LHFPL4: variants seen among roughly 807,000 people sequenced by gnomAD.
LHFPL4 encodes the protein LHFPL tetraspan subfamily member 4 protein.
Under a neutral mutation model 20.0 loss-of-function variants are expected in LHFPL4, and 6 were observed. That is an observed-to-expected ratio of 0.30 (90% CI 0.16 to 0.59). The LOEUF (loss-of-function observed/expected upper bound fraction) is 0.59, where lower values mean the gene tolerates loss of function less well. Among genes scored for constraint, LHFPL4 ranks in the 20% least tolerant of loss-of-function variants. The pLI, the probability that LHFPL4 is intolerant of heterozygous loss-of-function variation, is 0.88. For synonymous variants in LHFPL4, 129 were observed against 143.8 expected, an observed-to-expected ratio of 0.90 and a Z score of 0.74; for missense variants, 215 against 331.2, an observed-to-expected ratio of 0.65 and a Z score of 2.72.
intron 3 of LHFPL4, among the ~76,000 whole-genome samples, chr3:9,504,333 G>C (rs532683895): frequency 6.6e-6 from 1 of 150,932 alleles, no homozygotes; most frequent in Admixed American, 6.6e-5. Context: ...AGCCGAGACC[G>C]TGCCACTGCA....
chr3:9,510,712 TG>T (rs1363380892), intron 2 of LHFPL4, among the ~76,000 whole-genome samples: 5 of 151,572 alleles, frequency 3.3e-5, no homozygotes, highest in Non-Finnish European at 7.4e-5. Context: ...CCAAGACGAG[TG>T]GATCACCTGA....
In LHFPL4 at chr3:9,552,697, C is replaced by CCGGCGG. The variant is rs760539219; in HGVS notation, c.-24_-19dup. The stretch of plus-strand genomic sequence containing the variant: ...GGCAGCATGGTGCCCGGAGGCGGGG[C>CCGGCGG]CGGCGGCGGCGGCGGCTGGCGGGGG... On this transcript the variant is annotated 5_prime_UTR_variant, in exon 2 of 4. Transcript: ENST00000287585. The CCGGCGG allele has an allele frequency of 1.5e-6, 2 of 1,349,014 alleles. No individual in the cohort carries two copies. Among genetic ancestry groups the CCGGCGG allele is most frequent in the African/African-American group, 1.5e-5 (1 of 66,254 alleles). The allele number at this position is 1,349,014 out of a possible 1,614,324, so 83.6% of individuals were successfully genotyped here.
At chr3:9,546,913 G>T (rs1437686600) in intron 2 of LHFPL4, among the ~76,000 whole-genome samples, 3 of 152,198 alleles carry the variant, frequency 2.0e-5, no homozygotes, top group Non-Finnish European at 4.4e-5. Context: ...CTGAGATTCA[G>T]AGAGGCAAAC....
At chr3:9,504,740 G>A (rs1208737255) in intron 3 of LHFPL4, among the ~76,000 whole-genome samples, 1 of 151,306 alleles carries the variant, frequency 6.6e-6, no homozygotes, top group Non-Finnish European at 1.5e-5. Context: ...CAGTAGAATG[G>A]TGTGAACCCG....
intron 2 of LHFPL4, among the ~76,000 whole-genome samples, chr3:9,544,726 A>T (rs912875293): frequency 6.6e-6 from 1 of 151,906 alleles, no homozygotes; most frequent in Non-Finnish European, 1.5e-5. Flanking sequence ...CCCAGTCTCA[A>T]CTCTTACCTT....
chr3:9,516,500 G>A (rs944875467), intron 2 of LHFPL4, among the ~76,000 whole-genome samples: 1 of 151,370 alleles, frequency 6.6e-6, no homozygotes, highest in Non-Finnish European at 1.5e-5. Flanking sequence ...AGACGTTGGA[G>A]TCTCACTCTG....
rs2046157013 is a variant in LHFPL4 at position 9,499,710 on chromosome 3, C to T, written c.*2501G>A. On this transcript the variant is annotated 3_prime_UTR_variant, in exon 4 of 4. Transcript: ENST00000287585. ...CCAGCCTCTGAAAGGTCAGTTCTAT[C>T]CCCCGCACCAGGGCACAGGTTTGGT... is the stretch of plus-strand genomic sequence containing the variant. 6.6e-6 allele frequency: 1 copy of T among 152,274 alleles called. No homozygotes were observed. Among genetic ancestry groups the T allele is most frequent in the South Asian group, 2.1e-4 (1 of 4,838 alleles). The allele number at this position is 152,274 out of a possible 1,614,324, so 9.4% of individuals were successfully genotyped here.
intron 2 of LHFPL4, among the ~76,000 whole-genome samples, chr3:9,542,806 C>CAAA (rs148495276): frequency 6.4e-5 from 5 of 78,454 alleles, no homozygotes; most frequent in East Asian, 4.6e-4. Flanking sequence ...GGCCCTATCT[C>CAAA]AAAAAAAAAA....
intron 2 of LHFPL4, among the ~76,000 whole-genome samples, chr3:9,547,913 C>T (rs1173387500): frequency 6.6e-6 from 1 of 152,190 alleles, no homozygotes; most frequent in African/African-American, 2.4e-5. Context: ...TCAAGCGATC[C>T]TCCCGCCTCA....
chr3:9,523,994 CA>C (rs58217379), intron 2 of LHFPL4, among the ~76,000 whole-genome samples: 2 of 134,024 alleles, frequency 1.5e-5, no homozygotes, highest in African/African-American at 5.5e-5. Flanking sequence ...CCCCCCCCCC[CA>C]ACACTTTAAA....
At chr3:9,527,579 C>T (rs750963052) in intron 2 of LHFPL4, among the ~76,000 whole-genome samples, 11 of 151,590 alleles carry the variant, frequency 7.3e-5, no homozygotes, top group Non-Finnish European at 1.3e-4. Flanking sequence ...ATGGTACAAG[C>T]GCCTGTAGTC....
intron 2 of LHFPL4, among the ~76,000 whole-genome samples, chr3:9,524,554 T>G (rs1228610639): frequency 6.6e-6 from 1 of 152,202 alleles, no homozygotes; most frequent in African/African-American, 2.4e-5. Flanking sequence ...TCAAAGGCAT[T>G]CTTCCTTTCT....
chr3:9,540,167 T>TTGTATTGTATAACTGA (rs2046468542), intron 2 of LHFPL4, among the ~76,000 whole-genome samples: 1 of 152,206 alleles, frequency 6.6e-6, no homozygotes, highest in South Asian at 2.1e-4. Context: ...AGCATTATTA[T>TTGTATTGTATAACTGA]AGCAAAATAT....
chr3:9,503,806 G>T (rs1011364072), intron 3 of LHFPL4, among the ~76,000 whole-genome samples: 4 of 152,166 alleles, frequency 2.6e-5, no homozygotes, highest in African/African-American at 7.2e-5. Context: ...CGGAAGGATT[G>T]CTTGAAGCCA....
chr3:9,536,419 A>G (rs772993153), intron 2 of LHFPL4, among the ~76,000 whole-genome samples: 5 of 152,054 alleles, frequency 3.3e-5, no homozygotes, highest in Non-Finnish European at 7.4e-5. Context: ...CCTGGGAGGT[A>G]TCCTAGATCC....
At position 9,498,462 on chromosome 3, in the gene LHFPL4, A is replaced by G. The variant is rs910925893; in HGVS notation, c.*3749T>C. The G allele has an allele frequency of 6.5e-6, 1 of 152,762 alleles. No individual in the cohort carries two copies. Among genetic ancestry groups the G allele is most frequent in the African/African-American group, 2.4e-5 (1 of 41,464 alleles). The allele number at this position is 152,762 out of a possible 1,614,324, so 9.5% of individuals were successfully genotyped here. ...GGTCAGGACCAAAATAAATGTTACC[A>G]AATTAGACAATGAACAGCGAGGACA... On this transcript the variant is annotated 3_prime_UTR_variant, in exon 4 of 4. Transcript: ENST00000287585.
intron 2 of LHFPL4, among the ~76,000 whole-genome samples, chr3:9,540,946 ATT>A (rs1024288551): frequency 6.8e-6 from 1 of 148,146 alleles, no homozygotes; most frequent in East Asian, 2.0e-4. Flanking sequence ...AAATAAAATA[ATT>A]TTTTTTTTTG....
chr3:9,536,717 T>A (rs939513884), intron 2 of LHFPL4, among the ~76,000 whole-genome samples: 27 of 151,980 alleles, frequency 1.8e-4, no homozygotes, highest in African/African-American at 6.5e-4. Context: ...ATCCTAGCAC[T>A]TTGGAAGAGT....
chr3:9,538,189 G>C (rs1218456621), intron 2 of LHFPL4, among the ~76,000 whole-genome samples: 1 of 151,942 alleles, frequency 6.6e-6, no homozygotes, highest in Non-Finnish European at 1.5e-5. Context: ...CTTCTTCCCG[G>C]GCTCCCTCCT....
Sources: allele counts gnomAD v4.1 joint callset (sites outside exome capture counted in the v4.1 genomes callset), GRCh38; gene constraint gnomAD v4.1.1; transcripts MANE v1.5; gene names NCBI Gene and HGNC (gene_info 2026-07-23, HGNC 2026-07-21).